FGF14: variants seen among roughly 807,000 people sequenced by gnomAD.
The protein encoded by FGF14 is fibroblast growth factor 14, also known as fibroblast growth factor homologous factor 4.
A neutral mutation model predicts 25.5 loss-of-function variants in FGF14; 5 were observed. The observed-to-expected ratio is 0.20, with a 90% CI of 0.10 to 0.41. FGF14 has a LOEUF of 0.41. Among genes scored for constraint, FGF14 ranks in the 10% least tolerant of loss-of-function variants. FGF14 has a pLI of 1.00. For missense variants in FGF14, 222 were observed against 320.1 expected (o/e 0.69, Z 2.34); for synonymous variants, 138 against 118.3 (o/e 1.17, Z -1.08).
At chr13:101,982,422 A>T (rs1445219266) in intron 1 of FGF14, among the ~76,000 whole-genome samples, 1 of 152,216 alleles carries the variant, frequency 6.6e-6, no homozygotes, top group Non-Finnish European at 1.5e-5. Context: ...GCTGCAGAGT[A>T]AGAATTACAA....
chr13:102,256,395 C>T (rs1271883910), intron 1 of FGF14, among the ~76,000 whole-genome samples: 1 of 151,968 alleles, frequency 6.6e-6, no homozygotes, highest in Non-Finnish European at 1.5e-5. Context: ...GTACTCAGCA[C>T]GGTGAGGTGG....
At chr13:102,195,211 A>G (rs1158830642) in intron 1 of FGF14, among the ~76,000 whole-genome samples, 1 of 152,228 alleles carries the variant, frequency 6.6e-6, no homozygotes, top group Non-Finnish European at 1.5e-5. Flanking sequence ...ATAAATAAGC[A>G]TAAAAAATAG....
Position 101,967,812 on chromosome 13 carries a change from A to G in FGF14, c.209-92516T>C, listed in dbSNP as rs560606544. On this transcript the variant is annotated intron_variant, in intron 1 of 4. Coordinates refer to the FGF14 transcript ENST00000376131. ...TTGAATCCTCTACAAAACCTATTGC[A>G]TGGCTTAGACACATTAAACACCCAA... is the stretch of plus-strand genomic sequence containing the variant. The G allele has an allele frequency of 6.5e-5, 10 of 154,100 alleles. No homozygotes were observed. The East Asian group carries it at 1.9e-3, about 30-fold the overall frequency. The allele number at this position is 154,100 out of a possible 1,614,324, so 9.5% of individuals were successfully genotyped here. A position where few individuals can be genotyped will look rare whatever the true frequency, so the allele number is the denominator to read the frequency against.
At chr13:101,916,331 G>T in intron 1 of FGF14, 122 bp downstream of exon 1, 1 of 1,246,332 alleles carries the variant, frequency 8.0e-7, no homozygotes, top group Non-Finnish European at 1.2e-6. Flanking sequence ...AGAGTGCTCA[G>T]AAGGGAGGCC....
chr13:101,948,049 T>C (rs2035923079), intron 1 of FGF14, among the ~76,000 whole-genome samples: 1 of 152,188 alleles, frequency 6.6e-6, no homozygotes, highest in African/African-American at 2.4e-5. Context: ...AGCAGGCCAT[T>C]TGAATGGATT....
chr13:102,242,991 T>TA (rs1329013406), intron 1 of FGF14, among the ~76,000 whole-genome samples: 1 of 152,058 alleles, frequency 6.6e-6, no homozygotes, highest in African/African-American at 2.4e-5. Context: ...TGGAAGTGAG[T>TA]AAAAACAGTG....
intron 3 of FGF14, among the ~76,000 whole-genome samples, chr13:101,855,179 T>C (rs1359263298): frequency 1.3e-5 from 2 of 152,048 alleles, no homozygotes; most frequent in African/African-American, 4.8e-5. Flanking sequence ...TGACGTGACA[T>C]TAATGATAAT....
At chr13:101,892,884 G>A (rs1248739860) in intron 1 of FGF14, among the ~76,000 whole-genome samples, 1 of 151,998 alleles carries the variant, frequency 6.6e-6, no homozygotes, top group East Asian at 1.9e-4. Flanking sequence ...ATGGCCAAGT[G>A]TCCAAATCTT....
At chr13:102,061,126 A>G (rs1303840426) in intron 1 of FGF14, among the ~76,000 whole-genome samples, 1 of 152,202 alleles carries the variant, frequency 6.6e-6, no homozygotes, top group African/African-American at 2.4e-5. Context: ...CCACCACTCA[A>G]TAAAACCTTG....
At chr13:101,723,470 G>A (rs942456829) in intron 4 of FGF14, among the ~76,000 whole-genome samples, 1 of 152,028 alleles carries the variant, frequency 6.6e-6, no homozygotes, top group African/African-American at 2.4e-5. Flanking sequence ...AAGCAACATA[G>A]TCATACTAGT....
At chr13:101,944,644 A>G (rs2035690975) in intron 1 of FGF14, among the ~76,000 whole-genome samples, 1 of 152,228 alleles carries the variant, frequency 6.6e-6, no homozygotes. Flanking sequence ...CCAAATGTCC[A>G]TAAAAGATGA....
chr13:101,931,684 C>T (rs1189155833), intron 1 of FGF14, among the ~76,000 whole-genome samples: 1 of 152,176 alleles, frequency 6.6e-6, no homozygotes, highest in African/African-American at 2.4e-5. Context: ...TTGGTTTCCT[C>T]CGGGTGAGCC....
chr13:101,929,785 A>G (rs1281202746), intron 1 of FGF14, among the ~76,000 whole-genome samples: 1 of 152,252 alleles, frequency 6.6e-6, no homozygotes, highest in Non-Finnish European at 1.5e-5. Context: ...AATAGACTGA[A>G]GTATAAACAG....
At chr13:102,326,363 G>A (rs2056422870) in intron 1 of FGF14, among the ~76,000 whole-genome samples, 1 of 151,994 alleles carries the variant, frequency 6.6e-6, no homozygotes, top group Non-Finnish European at 1.5e-5. Flanking sequence ...TATAGCCTAA[G>A]TTCAATTTAA....
intron 1 of FGF14, among the ~76,000 whole-genome samples, chr13:102,336,755 C>T (rs185925168): frequency 2.0e-5 from 3 of 152,206 alleles, no homozygotes; most frequent in Admixed American, 6.6e-5. Flanking sequence ...ATGCAGCTGG[C>T]GATATGAAGT....
At chr13:101,997,324 T>G (rs1247398965) in intron 1 of FGF14, among the ~76,000 whole-genome samples, 1 of 152,218 alleles carries the variant, frequency 6.6e-6, no homozygotes, top group Non-Finnish European at 1.5e-5. Context: ...GATTTTGGAC[T>G]TGGAGCTCTC....
chr13:102,303,185 C>T (rs112106394), intron 1 of FGF14, among the ~76,000 whole-genome samples: 1 of 152,136 alleles, frequency 6.6e-6, no homozygotes, highest in African/African-American at 2.4e-5. Flanking sequence ...TCTGTGTTCC[C>T]CAGACACCTG....
At chr13:101,940,835 T>C (rs2035402481) in intron 1 of FGF14, among the ~76,000 whole-genome samples, 2 of 152,162 alleles carry the variant, frequency 1.3e-5, no homozygotes, top group African/African-American at 4.8e-5. Flanking sequence ...CACAGTAAAA[T>C]TCAACAAATA....
intron 1 of FGF14, among the ~76,000 whole-genome samples, chr13:102,218,838 A>G (rs2050488811): frequency 6.6e-6 from 1 of 152,144 alleles, no homozygotes; most frequent in Non-Finnish European, 1.5e-5. Context: ...TTATAAACCT[A>G]AGATTATAAA....
Sources: allele counts gnomAD v4.1 joint callset (sites outside exome capture counted in the v4.1 genomes callset), GRCh38; gene constraint gnomAD v4.1.1; transcripts MANE v1.5; gene names NCBI Gene and HGNC (gene_info 2026-07-23, HGNC 2026-07-21).